ZZZ3: variants seen among roughly 807,000 people sequenced by gnomAD.
The protein encoded by ZZZ3 is zinc finger ZZ-type containing 3.
ZZZ3 carries 22 observed loss-of-function variants against 95.2 expected under a neutral mutation model. The ratio of observed to expected loss-of-function variants is 0.23; its 90% CI spans 0.17 to 0.33. The LOEUF (loss-of-function observed/expected upper bound fraction) is 0.33, where lower values mean the gene tolerates loss of function less well. Ranked by LOEUF, ZZZ3 falls within the 10% of genes least tolerant of loss-of-function variation. The pLI is 1.00. For synonymous variants in ZZZ3, 335 were observed against 358.9 expected, an observed-to-expected ratio of 0.93 and a Z score of 0.75; for missense variants, 885 against 1,066.5, an observed-to-expected ratio of 0.83 and a Z score of 2.37.
rs376938563 is a variant in ZZZ3, at chr1:77,633,152, G to A, written c.203C>T (p.Thr68Ile). ...PIQKGNNNGRTTDLKQQSTRE... is the reference protein window; with the variant it reads ...PIQKGNNNGRITDLKQQSTRE... ...GGTACTCTGCTGTTTTAAATCAGTG[G>A]TTCTCCCATTATTATTTCCTTTCTG... Residue 68 changes from threonine to isoleucine, a missense_variant, in exon 5 of 15, where the codon ACC becomes ATC. Physicochemically the swap from Thr to Ile is moderately conservative, Grantham distance 89. This residue lies in a region of ZZZ3 where 556 missense variants were observed against 652.9 expected (regional missense o/e 0.85). Coordinates refer to ENST00000370801, the MANE Select transcript of ZZZ3 (RefSeq NM_015534.6). 1.9e-6 allele frequency: 3 copies of A among 1,613,880 alleles called. No individual in the cohort carries two copies. The highest frequency in any genetic ancestry group is 2.2e-5 in the East Asian group (1 of 44,876).
At chr1:77,636,701 T>G (rs1161806341) in intron 4 of ZZZ3, among the ~76,000 whole-genome samples, 1 of 110,664 alleles carries the variant, frequency 9.0e-6, no homozygotes, top group South Asian at 2.9e-4. Context: ...CAAGGCCCTG[T>G]CTTGAAAAAA....
At chr1:77,656,904 C>T (rs1670317292) in intron 1 of ZZZ3, among the ~76,000 whole-genome samples, 1 of 152,260 alleles carries the variant, frequency 6.6e-6, no homozygotes, top group African/African-American at 2.4e-5. Flanking sequence ...TAGCCTCTGA[C>T]TAAAACATTT....
At chr1:77,617,426 T>C (rs981498176) in intron 5 of ZZZ3, among the ~76,000 whole-genome samples, 3 of 152,226 alleles carry the variant, frequency 2.0e-5, no homozygotes, top group African/African-American at 4.8e-5. Context: ...ATTGGTACAA[T>C]GGTTTCAAGA....
At chr1:77,573,397 C>T (rs1241537011) in intron 12 of ZZZ3, among the ~76,000 whole-genome samples, 1 of 152,124 alleles carries the variant, frequency 6.6e-6, no homozygotes, top group Non-Finnish European at 1.5e-5. Context: ...GCTGGGATTA[C>T]AGGCGTGAGC....
At chr1:77,682,787 G>T (rs1006551755), upstream of ZZZ3, 1 of 152,258 alleles carries the variant, frequency 6.6e-6, no homozygotes, top group Non-Finnish European at 1.5e-5. Context: ...TTCACTAACG[G>T]AGTAGTGAAC....
chr1:77,609,844 T>C (rs961676391), intron 5 of ZZZ3, among the ~76,000 whole-genome samples: 3 of 151,888 alleles, frequency 2.0e-5, no homozygotes, highest in African/African-American at 7.3e-5. Flanking sequence ...AAACAAATGA[T>C]AATGAAAACA....
At position 77,632,240 on chromosome 1, in the gene ZZZ3, T is replaced by G; in HGVS notation, c.1115A>C (p.Gln372Pro). The change falls in exon 5 of 15, where the codon CAA (glutamine) becomes CCA (proline). Residue 372 changes from glutamine (Q) to proline (P), a missense_variant. Transcript: ENST00000370801. ...SAQMMSLSEP[Q>P]EHRYTLRTSP... ...GGTTCTCAGAGTATAACGATGTTCT[T>G]GAGGTTCTGATAAAGACATCATTTG... is the stretch of plus-strand genomic sequence containing the variant. The G allele has an allele frequency of 6.2e-7, 1 of 1,614,028 alleles. No homozygotes were observed. The highest frequency in any genetic ancestry group is 8.5e-7 in the Non-Finnish European group (1 of 1,180,000).
chr1:77,597,429 T>C (rs1664319102), intron 5 of ZZZ3, among the ~76,000 whole-genome samples: 1 of 151,994 alleles, frequency 6.6e-6, no homozygotes, highest in Non-Finnish European at 1.5e-5. Flanking sequence ...GTGTGGCCTG[T>C]GCATAGTGAC....
Position 77,631,937 on chromosome 1 carries a change from G to C in ZZZ3, c.1418C>G (p.Ala473Gly), listed in dbSNP as rs1446225073. The change falls in exon 5 of 15, where the codon GCC becomes GGC. Residue 473 changes from alanine to glycine, a missense_variant. Coordinates refer to ENST00000370801, the MANE Select transcript of ZZZ3 (RefSeq NM_015534.6). Reference sequence around the variant, plus strand: ...TTCCTCTTCTGTAATGTGCTGACTGGCACTCTCTTTGGCAGATGGCAAATG... The same window carrying C: ...TTCCTCTTCTGTAATGTGCTGACTGCCACTCTCTTTGGCAGATGGCAAATG... The part of the protein sequence containing the change: ...IGHLPSAKES[A>G]SQHITEEEDD... 1 of 1,614,000 alleles carries C rather than the reference G, an allele frequency of 6.2e-7. No individual in the cohort carries two copies.
At chr1:77,616,468 C>T (rs1011923494) in intron 5 of ZZZ3, among the ~76,000 whole-genome samples, 1 of 152,174 alleles carries the variant, frequency 6.6e-6, no homozygotes, top group Non-Finnish European at 1.5e-5. Flanking sequence ...TAAAAACTTC[C>T]CCTAAATGCT....
Position 77,592,572 on chromosome 1 carries a change from G to T in ZZZ3, c.1506-7917C>A, listed in dbSNP as rs146908989. Among the ~76,000 whole-genome samples, 188 of 152,218 alleles carry T rather than the reference G, an allele frequency of 1.2e-3. No homozygotes were observed. In the East Asian group the frequency reaches 0.034, roughly 27 times the overall value. On this transcript the variant is annotated intron_variant, in intron 5 of 14. Coordinates refer to ENST00000370801, the MANE Select transcript of ZZZ3 (RefSeq NM_015534.6). ...CCACCCCGGCCTCCCAAAGTGTTGG[G>T]ATTACAGGCGTGAACAACCGTGCCC...
intron 13 of ZZZ3, among the ~76,000 whole-genome samples, chr1:77,567,613 G>T (rs773619123): frequency 1.3e-5 from 2 of 152,136 alleles, no homozygotes; most frequent in Non-Finnish European, 2.9e-5. Context: ...CTCTAGCCAC[G>T]CTCAACTATT....
At chr1:77,631,155 G>C (rs1327894248) in intron 5 of ZZZ3, among the ~76,000 whole-genome samples, 1 of 152,092 alleles carries the variant, frequency 6.6e-6, no homozygotes, top group Admixed American at 6.6e-5. Flanking sequence ...TTTGGATACA[G>C]AATTCTTTAT....
chr1:77,570,862 G>C (rs1051052985), intron 12 of ZZZ3, among the ~76,000 whole-genome samples: 2 of 145,228 alleles, frequency 1.4e-5, no homozygotes, highest in Non-Finnish European at 3.0e-5. Context: ...TAGAGACGGG[G>C]TTTCGTCATG....
chr1:77,594,322 T>C (rs1447598185), intron 5 of ZZZ3, among the ~76,000 whole-genome samples: 1 of 152,136 alleles, frequency 6.6e-6, no homozygotes, highest in African/African-American at 2.4e-5. Flanking sequence ...GTTCCCTAGG[T>C]CACTAAACAG....
rs758176536 is a variant in ZZZ3, at chr1:77,633,070, G to T, written c.285C>A (p.Asn95Lys). 11 of 1,613,836 alleles carry T rather than the reference G, an allele frequency of 6.8e-6. No individual in the cohort carries two copies. The South Asian group carries it at 1.2e-4, about 18-fold the overall frequency. The change falls in exon 5 of 15, where the codon AAC (asparagine) becomes AAA (lysine). Residue 95 changes from asparagine (N) to lysine (K), a missense_variant. By Grantham distance (94) the Asn-to-Lys change is moderately conservative (BLOSUM62 0). This residue lies in a region of ZZZ3 where 556 missense variants were observed against 652.9 expected (regional missense o/e 0.85). Coordinates refer to ENST00000370801, the MANE Select transcript of ZZZ3 (RefSeq NM_015534.6). ...AATTTTCTATAGCCTGCCTTTCTAT[G>T]TTATCCTTTTCTGAAGAAGAAAGTC... ...KRGLSSSEKD[N>K]IERQAIENCE...
Position 77,674,358 on chromosome 1 carries a change from A to C in ZZZ3, c.-403+8227T>G, listed in dbSNP as rs1672063354. Among the ~76,000 whole-genome samples the C allele has an allele frequency of 2.0e-5, 3 of 152,206 alleles. No homozygotes were observed. In the South Asian group the frequency reaches 6.2e-4, roughly 31 times the overall value. On this transcript the variant is annotated intron_variant, in intron 1 of 14. Transcript: ENST00000370801. The stretch of plus-strand genomic sequence containing the variant: ...TTGAGCAAAAAAGGCCAAACACAAA[A>C]ACAATACATACTGTATAAATCCTAG...
At chr1:77,665,580 C>T (rs1423723145) in intron 1 of ZZZ3, among the ~76,000 whole-genome samples, 1 of 152,048 alleles carries the variant, frequency 6.6e-6, no homozygotes, top group African/African-American at 2.4e-5. Context: ...TGACTTCACG[C>T]TTATGATTTT....
chr1:77,613,837 G>T (rs1441210335), intron 5 of ZZZ3, among the ~76,000 whole-genome samples: 1 of 151,810 alleles, frequency 6.6e-6, no homozygotes, highest in Non-Finnish European at 1.5e-5. Context: ...GAAAATCTAG[G>T]ATCTCTTTAA....
Sources: allele counts gnomAD v4.1 joint callset (sites outside exome capture counted in the v4.1 genomes callset), GRCh38; gene constraint gnomAD v4.1.1; regional missense constraint gnomAD v4.1.1; transcripts MANE v1.5; gene names NCBI Gene and HGNC (gene_info 2026-07-23, HGNC 2026-07-21).